The following CARF variants were observed in gnomAD, a reference collection of about 807,000 sequenced individuals.
The protein encoded by CARF is calcium responsive transcription factor.
A neutral mutation model predicts 82.0 loss-of-function variants in CARF; 57 were observed. That is an observed-to-expected ratio of 0.70 (90% CI 0.56 to 0.87). The LOEUF is 0.87. CARF is among the 40% of genes least tolerant of loss of function. The pLI, the probability that CARF is intolerant of heterozygous loss-of-function variation, is 0.00. For missense variants in CARF, 771 were observed against 855.8 expected (o/e 0.90, Z 1.24); for synonymous variants, 268 against 290.1 (o/e 0.92, Z 0.77).
chr2:202,946,692 A>G (rs552980978), intron 5 of CARF, among the ~76,000 whole-genome samples: 8 of 152,356 alleles, frequency 5.3e-5, no homozygotes, highest in South Asian at 2.1e-4. Flanking sequence ...AGAAACTATC[A>G]GAGTGAACAG....
intron 3 of CARF, among the ~76,000 whole-genome samples, chr2:202,930,968 C>CTTTTTTTTTT (rs1007407230): frequency 5.8e-5 from 6 of 103,212 alleles, no homozygotes; most frequent in Non-Finnish European, 8.0e-5. Flanking sequence ...TTTTTCTTTT[C>CTTTTTTTTTT]TTTTTTTTTT....
At chr2:202,981,774 T>C (rs1029558606) in intron 15 of CARF, 89 bp downstream of exon 15, 7 of 1,174,698 alleles carry the variant, frequency 6.0e-6, no homozygotes, top group Non-Finnish European at 8.6e-6. Flanking sequence ...TAGAGAATTG[T>C]TACAGAATTA....
intron 12 of CARF, among the ~76,000 whole-genome samples, chr2:202,972,474 C>T (rs573429697): frequency 2.8e-3 from 419 of 151,806 alleles, no homozygotes; most frequent in Non-Finnish European, 5.1e-3. Context: ...GTCAGGAGAT[C>T]GAGACCATCC....
At chr2:202,936,675 G>A (rs1693999806) in intron 3 of CARF, among the ~76,000 whole-genome samples, 1 of 152,114 alleles carries the variant, frequency 6.6e-6, no homozygotes, top group Non-Finnish European at 1.5e-5. Flanking sequence ...AGTCTTTGTT[G>A]TTGAATTGTA....
chr2:202,962,719 T>C (rs564343114), intron 9 of CARF: 1 of 152,210 alleles, frequency 6.6e-6, no homozygotes, highest in African/African-American at 2.4e-5. Flanking sequence ...ATGTAGATAT[T>C]GTTTTGCAAA....
At chr2:202,939,775 G>C (rs1436872735) in intron 3 of CARF, among the ~76,000 whole-genome samples, 2 of 138,274 alleles carry the variant, frequency 1.4e-5, no homozygotes, top group African/African-American at 5.4e-5. Flanking sequence ...TGCGGCCTCA[G>C]ACTCCTGAAC....
intron 8 of CARF, among the ~76,000 whole-genome samples, chr2:202,957,533 A>G (rs2059109730): frequency 6.6e-6 from 1 of 151,792 alleles, no homozygotes; most frequent in Admixed American, 6.6e-5. Context: ...TCTACTTACC[A>G]TTTCTAACTA....
chr2:202,955,803 A>T (rs2059008104), intron 8 of CARF, 45 bp downstream of exon 8: 1 of 1,454,350 alleles, frequency 6.9e-7, no homozygotes. Flanking sequence ...AACTGATTAT[A>T]ACCACAGGTC....
At chr2:202,963,535 T>C (rs531647870) in intron 9 of CARF, among the ~76,000 whole-genome samples, 2 of 152,206 alleles carry the variant, frequency 1.3e-5, no homozygotes, top group East Asian at 3.9e-4. Context: ...CGGACCAGGA[T>C]GGGGGATGGG....
At chr2:202,983,390 C>A in intron 16 of CARF, 116 bp from the exon 17 acceptor site, 1 of 661,766 alleles carries the variant, frequency 1.5e-6, no homozygotes, top group Non-Finnish European at 2.5e-6. Context: ...TTGCAGTTTG[C>A]TTTGAAGAAC....
intron 11 of CARF, among the ~76,000 whole-genome samples, chr2:202,970,353 TACTTAATAC>T (rs1258068944): frequency 2.6e-5 from 4 of 152,182 alleles, no homozygotes; most frequent in African/African-American, 9.6e-5. Context: ...GACAAAGACA[TACTTAATAC>T]ACTTTATTAT....
At chr2:202,940,010 T>G (rs2058152593) in intron 3 of CARF, among the ~76,000 whole-genome samples, 1 of 151,592 alleles carries the variant, frequency 6.6e-6, no homozygotes, top group Admixed American at 6.6e-5. Context: ...GTTTCAGCAG[T>G]TTTTCATTGT....
intron 5 of CARF, among the ~76,000 whole-genome samples, chr2:202,949,342 CAA>C (rs540061451): frequency 1.5e-4 from 17 of 113,980 alleles, no homozygotes; most frequent in Non-Finnish European, 7.2e-5. Context: ...GACTCCATCT[CAA>C]AAAAAAAAAA....
Position 202,941,913 on chromosome 2 carries a change from C to CTAAA in CARF, c.14_15insATAA (p.Asn5LysfsTer2). 1 of 1,612,362 alleles carries CTAAA rather than the reference C, an allele frequency of 6.2e-7. No homozygotes were observed. Among genetic ancestry groups the CTAAA allele is most frequent in the Non-Finnish European group, 8.5e-7 (1 of 1,178,766 alleles). ...GAATATGATGTCAGCATGGAACAAT[C>CTAAA]TAATGATTCATTAAGAGTCAACCAT... On this transcript the variant is annotated frameshift_variant, in exon 4 of 17. Coordinates refer to ENST00000438828, the MANE Select transcript of CARF (RefSeq NM_024744.17). LOFTEE classifies it high-confidence loss of function.
chr2:202,951,007 T>C (rs2058731871), intron 5 of CARF, among the ~76,000 whole-genome samples: 1 of 152,196 alleles, frequency 6.6e-6, no homozygotes, highest in Non-Finnish European at 1.5e-5. Context: ...ACATTAAATT[T>C]TTTAAAAAAT....
intron 5 of CARF, among the ~76,000 whole-genome samples, chr2:202,951,219 A>T (rs2058741072): frequency 6.6e-6 from 1 of 152,036 alleles, no homozygotes; most frequent in Non-Finnish European, 1.5e-5. Flanking sequence ...GCTAATTTTT[A>T]AAATTTTTTG....
At chr2:202,920,898 T>C (rs1690671463) in intron 2 of CARF, among the ~76,000 whole-genome samples, 2 of 152,220 alleles carry the variant, frequency 1.3e-5, no homozygotes, top group Non-Finnish European at 2.9e-5. Flanking sequence ...AATAGAGTCC[T>C]TTTGTATTTC....
Position 202,985,768 on chromosome 2 carries a change from A to G in CARF, c.*2144A>G, listed in dbSNP as rs1194892902. 6.6e-6 allele frequency: 1 copy of G among 152,116 alleles called. No homozygotes were observed. The highest frequency in any genetic ancestry group is 2.1e-4 in the South Asian group (1 of 4,828). The allele number at this position is 152,116 out of a possible 1,614,324, so 9.4% of individuals were successfully genotyped here. On this transcript the variant is annotated 3_prime_UTR_variant, in exon 17 of 17. Coordinates refer to ENST00000438828, the MANE Select transcript of CARF (RefSeq NM_024744.17). ...CGTCTCAATAGTGGTAATAGTGGTAATGGTTTATTATTAGCTGTTTCACCA... is the reference window on the plus strand; with the variant it reads ...CGTCTCAATAGTGGTAATAGTGGTAGTGGTTTATTATTAGCTGTTTCACCA...
Position 202,912,830 on chromosome 2 carries a change from TTC to T in CARF, c.-600_-599del. 1 of 152,026 alleles carries T rather than the reference TTC, an allele frequency of 6.6e-6. No individual in the cohort carries two copies. Among genetic ancestry groups the T allele is most frequent in the Non-Finnish European group, 1.5e-5 (1 of 67,986 alleles). The allele number at this position is 152,026 out of a possible 1,614,324, so 9.4% of individuals were successfully genotyped here. On this transcript the variant is annotated 5_prime_UTR_variant, in exon 1 of 17. It removes the in-frame stop codon of an upstream open reading frame in the 5' UTR. Coordinates refer to ENST00000438828, the MANE Select transcript of CARF (RefSeq NM_024744.17). ...TGCTTTTTAGGGTTCTTTTTCCGCT[TTC>T]TGAGCCCTTTTATACCTTACGTTTA...
Sources: allele counts gnomAD v4.1 joint callset (sites outside exome capture counted in the v4.1 genomes callset), GRCh38; gene constraint gnomAD v4.1.1; transcripts MANE v1.5; gene names NCBI Gene and HGNC (gene_info 2026-07-23, HGNC 2026-07-21).